The following RSAD2 variants were observed in gnomAD, a reference collection of about 807,000 sequenced individuals.
RSAD2 encodes the protein S-adenosylmethionine-dependent nucleotide dehydratase RSAD2.
RSAD2 carries 38 observed loss-of-function variants against 37.7 expected under a neutral mutation model. That is an observed-to-expected ratio of 1.01 (90% CI 0.78 to 1.32). The LOEUF is 1.32. RSAD2 is among the 40% of genes most tolerant of loss of function. The pLI is 0.00. For synonymous variants in RSAD2, 163 were observed against 157.4 expected, an observed-to-expected ratio of 1.04 and a Z score of -0.27; for missense variants, 428 against 437.5, an observed-to-expected ratio of 0.98 and a Z score of 0.19.
At chr2:6,884,752 C>T (rs1280522441) in intron 2 of RSAD2, among the ~76,000 whole-genome samples, 4 of 152,266 alleles carry the variant, frequency 2.6e-5, no homozygotes, top group South Asian at 4.1e-4. Flanking sequence ...CGGGAAGCAT[C>T]GCGCCATATT....
rs868805759 is a variant in RSAD2, at chr2:6,865,949, C to G, written c.46C>G (p.Arg16Gly). The G allele has an allele frequency of 2.2e-5, 29 of 1,296,352 alleles. No individual in the cohort carries two copies. The Middle Eastern group carries it at 6.7e-4, about 30-fold the overall frequency. The allele number at this position is 1,296,352 out of a possible 1,614,324, so 80.3% of individuals were successfully genotyped here. ...GCGCTCGGGAGCAGACGCTTGGCCC[C>G]GGGGCCCCAGGTGCGCGGCTCCGCG... Residue 16 changes from arginine to glycine, a missense_variant, in exon 1 of 6, where the codon CGG becomes GGG. Arg to Gly is a moderately radical substitution (Grantham distance 125). Transcript: ENST00000442639.
chr2:6,879,999 T>C (rs988446101), intron 1 of RSAD2, among the ~76,000 whole-genome samples: 8 of 152,134 alleles, frequency 5.3e-5, no homozygotes, highest in Non-Finnish European at 1.0e-4. Context: ...ATCTCAAAAG[T>C]TGGTACAAGG....
intron 1 of RSAD2, chr2:6,866,576 C>G (rs375239276): frequency 1.8e-5 from 9 of 507,316 alleles, no homozygotes; most frequent in Non-Finnish European, 2.3e-5. Context: ...GTCAGGATAG[C>G]ACCCTCTGCC....
chr2:6,881,589 G>C (rs1213348829), intron 1 of RSAD2, among the ~76,000 whole-genome samples: 1 of 152,216 alleles, frequency 6.6e-6, no homozygotes, highest in East Asian at 1.9e-4. Context: ...ATATTACCTT[G>C]GGTGATGTAT....
At chr2:6,884,354 G>C (rs2103243926) in intron 2 of RSAD2, among the ~76,000 whole-genome samples, 1 of 152,316 alleles carries the variant, frequency 6.6e-6, no homozygotes, top group South Asian at 2.1e-4. Context: ...CAAGGTGTCA[G>C]ATGCAGGTGA....
chr2:6,889,906 T>C (rs1663596849), intron 3 of RSAD2, among the ~76,000 whole-genome samples: 3 of 152,264 alleles, frequency 2.0e-5, no homozygotes, highest in Admixed American at 6.5e-5. Context: ...GTACCTATTA[T>C]TTTGTTGTCT....
rs1208129135 is a variant in RSAD2, at chr2:6,896,242, C to T, written c.*300C>T. 3 of 250,612 alleles carry T rather than the reference C, an allele frequency of 1.2e-5. No homozygotes were observed. Among genetic ancestry groups the T allele is most frequent in the African/African-American group, 6.6e-5 (3 of 45,396 alleles). 15.5% of individuals were successfully genotyped at this position (250,612 alleles called of 1,614,324 possible). A position where few individuals can be genotyped will look rare whatever the true frequency, so the allele number is the denominator to read the frequency against. ...AAGGAATACACACAGGAATAATGAC[C>T]CCAAAAATGCTTAGATAAGGCCCCT... On this transcript the variant is annotated 3_prime_UTR_variant, in exon 6 of 6. Transcript: ENST00000382040.
intron 1 of RSAD2, among the ~76,000 whole-genome samples, chr2:6,871,192 C>T (rs1477116198): frequency 2.0e-5 from 3 of 152,176 alleles, no homozygotes; most frequent in Admixed American, 6.5e-5. Flanking sequence ...GAAAGATTAG[C>T]GCTTGCAGGA....
chr2:6,886,817 T>G, intron 2 of RSAD2, 118 bp from the exon 3 acceptor site: 1 of 698,172 alleles, frequency 1.4e-6, no homozygotes, highest in Non-Finnish European at 2.4e-6. Context: ...TTTGTGGGTA[T>G]AAGGAAAAGT....
intron 2 of RSAD2, among the ~76,000 whole-genome samples, chr2:6,886,559 A>T (rs543048846): frequency 3.6e-4 from 55 of 152,232 alleles, no homozygotes; most frequent in Non-Finnish European, 5.7e-4. Flanking sequence ...AAAGAAAAAG[A>T]AGTAAATTTA....
At chr2:6,874,891 A>G (rs1350197813), upstream of RSAD2, among the ~76,000 whole-genome samples, 1 of 152,212 alleles carries the variant, frequency 6.6e-6, no homozygotes, top group Non-Finnish European at 1.5e-5. Context: ...TAAGCAGGAT[A>G]CTATTGGAAA....
In RSAD2 at chr2:6,890,109, G is replaced by C. The variant is rs754724470; in HGVS notation, c.739-67G>C. On this transcript the variant is annotated intron_variant, in intron 3 of 5. Coordinates refer to ENST00000382040, the MANE Select transcript of RSAD2 (RefSeq NM_080657.5). Reference sequence around the variant, plus strand: ...AGAAGAGATGAAGCTTGAAAAGGGGGAGTGAGGTTTGGGGGAAAACACGAT... The same window carrying C: ...AGAAGAGATGAAGCTTGAAAAGGGGCAGTGAGGTTTGGGGGAAAACACGAT... 24 of 1,486,268 alleles carry C rather than the reference G, an allele frequency of 1.6e-5. 1 individual carries two copies. The highest frequency in any genetic ancestry group is 1.7e-4 in the Middle Eastern group (1 of 5,764). 92.1% of individuals were successfully genotyped at this position (1,486,268 alleles called of 1,614,324 possible).
At chr2:6,890,780 T>A (rs1285296076) in intron 4 of RSAD2, among the ~76,000 whole-genome samples, 1 of 152,204 alleles carries the variant, frequency 6.6e-6, no homozygotes, top group African/African-American at 2.4e-5. Context: ...GTAGAAGAAA[T>A]GTTTCCCATT....
intron 1 of RSAD2, among the ~76,000 whole-genome samples, chr2:6,867,082 T>C (rs1255725244): frequency 6.6e-6 from 1 of 152,012 alleles, no homozygotes; most frequent in East Asian, 1.9e-4. Flanking sequence ...GAAGTAAGAG[T>C]CTTCTAGTTA....
intron 5 of RSAD2, among the ~76,000 whole-genome samples, chr2:6,895,281 C>T (rs968737763): frequency 2.0e-4 from 30 of 152,348 alleles, no homozygotes; most frequent in Admixed American, 1.6e-3. Flanking sequence ...ATCCTCTCTC[C>T]GTTTCTCAAA....
At chr2:6,880,196 T>A (rs901858326) in intron 1 of RSAD2, among the ~76,000 whole-genome samples, 3 of 152,190 alleles carry the variant, frequency 2.0e-5, no homozygotes, top group African/African-American at 7.2e-5. Flanking sequence ...GGAGGAAAAC[T>A]ATTTTTTTGG....
Position 6,877,959 on chromosome 2 carries a change from G to C in RSAD2, c.159G>C (p.Leu53=). The change falls in exon 1 of 6, where the codon CTG becomes CTC. Residue 53 remains leucine (L), a synonymous_variant. Transcript: ENST00000382040. ...ATKRRKQQLV[L]RGPDETKEEE... Reference sequence around the variant, plus strand: ...AGAGGAGAAAGCAGCAGCTGGTCCTGAGAGGGCCAGATGAGACCAAAGAGG... The same window carrying C: ...AGAGGAGAAAGCAGCAGCTGGTCCTCAGAGGGCCAGATGAGACCAAAGAGG... 1 of 1,614,154 alleles carries C rather than the reference G, an allele frequency of 6.2e-7. No homozygotes were observed. The highest frequency in any genetic ancestry group is 1.6e-4 in the Middle Eastern group (1 of 6,062).
intron 5 of RSAD2, among the ~76,000 whole-genome samples, chr2:6,895,282 G>T (rs72779794): frequency 1.7e-3 from 260 of 152,258 alleles, no homozygotes; most frequent in Non-Finnish European, 3.1e-3. Flanking sequence ...TCCTCTCTCC[G>T]TTTCTCAAAA....
At chr2:6,884,317 A>G (rs2103243905) in intron 2 of RSAD2, among the ~76,000 whole-genome samples, 1 of 152,232 alleles carries the variant, frequency 6.6e-6, no homozygotes, top group African/African-American at 2.4e-5. Context: ...GGTCCATCTG[A>G]TAAGGGTTAA....
Sources: allele counts gnomAD v4.1 joint callset (sites outside exome capture counted in the v4.1 genomes callset), GRCh38; gene constraint gnomAD v4.1.1; transcripts MANE v1.5; gene names NCBI Gene and HGNC (gene_info 2026-07-23, HGNC 2026-07-21).